HDAC4: variants seen among roughly 807,000 people sequenced by gnomAD.
The protein encoded by HDAC4 is histone deacetylase A.
Under a neutral mutation model 135.1 loss-of-function variants are expected in HDAC4, and 16 were observed. That is an observed-to-expected ratio of 0.12 (90% confidence interval 0.08 to 0.18). The LOEUF is 0.18. Among genes scored for constraint, HDAC4 ranks in the 10% least tolerant of loss-of-function variants. The pLI is 1.00. For synonymous variants in HDAC4, 685 were observed against 653.4 expected (o/e 1.05, Z -0.74); for missense variants, 1,143 against 1,511.8 (o/e 0.76, Z 4.05).
At chr2:239,149,703 C>T (rs906639548) in intron 7 of HDAC4, among the ~76,000 whole-genome samples, 1 of 152,218 alleles carries the variant, frequency 6.6e-6, no homozygotes, top group African/African-American at 2.4e-5. Flanking sequence ...AAGCACGTTG[C>T]TCACGTGCTC....
intron 3 of HDAC4, among the ~76,000 whole-genome samples, chr2:239,203,637 G>A (rs2045887761): frequency 6.6e-6 from 1 of 152,154 alleles, no homozygotes; most frequent in South Asian, 2.1e-4. Context: ...TGTGGTGACT[G>A]CCGTGGTGAC....
chr2:239,138,474 T>C (rs1198418917), intron 9 of HDAC4, among the ~76,000 whole-genome samples: 1 of 152,222 alleles, frequency 6.6e-6, no homozygotes, highest in Non-Finnish European at 1.5e-5. Flanking sequence ...TAACTATATT[T>C]AATAAATTAT....
chr2:239,051,615 A>T lies in HDAC4; in HGVS notation c.*1482T>A, dbSNP rs984133665. 2 of 152,676 alleles carry T rather than the reference A, an allele frequency of 1.3e-5. No individual in the cohort carries two copies. Among genetic ancestry groups the T allele is most frequent in the Non-Finnish European group, 2.9e-5 (2 of 68,050 alleles). 9.5% of individuals were successfully genotyped at this position (152,676 alleles called of 1,614,324 possible). ...TGCTATAAAAACTCATTAGGTACAT[A>T]TGTGCATGAAGGCTTGGAGACGGGA... On this transcript the variant is annotated 3_prime_UTR_variant, in exon 27 of 27. Coordinates refer to ENST00000543185, the MANE Select transcript of HDAC4 (RefSeq NM_001378414.1).
chr2:239,188,781 C>T (rs1240867049), intron 4 of HDAC4, among the ~76,000 whole-genome samples: 1 of 152,248 alleles, frequency 6.6e-6, no homozygotes, highest in Non-Finnish European at 1.5e-5. Context: ...CATGCTTCCT[C>T]TCGGGTTGCT....
At chr2:239,171,744 A>G (rs553986913) in intron 5 of HDAC4, among the ~76,000 whole-genome samples, 5 of 152,382 alleles carry the variant, frequency 3.3e-5, no homozygotes, top group Admixed American at 2.6e-4. Flanking sequence ...CAAAATCTTA[A>G]AAATAGCTAG....
chr2:239,347,098 C>G (rs1208559371), intron 2 of HDAC4, among the ~76,000 whole-genome samples: 2 of 152,230 alleles, frequency 1.3e-5, no homozygotes, highest in Non-Finnish European at 2.9e-5. Context: ...CACTCTAACA[C>G]ACACATACAC....
chr2:239,227,137 C>T (rs2047288685), intron 3 of HDAC4, among the ~76,000 whole-genome samples: 1 of 152,210 alleles, frequency 6.6e-6, no homozygotes, highest in Non-Finnish European at 1.5e-5. Context: ...TCACACAGCC[C>T]TCCGGGGCAC....
rs2047912451 is a variant in HDAC4, at chr2:239,236,778, CCTA to C, written c.23-117_23-115del. 6.5e-6 allele frequency: 5 copies of C among 772,466 alleles called. No individual in the cohort carries two copies. In the East Asian group the frequency reaches 1.3e-4, roughly 21 times the overall value. The allele number at this position is 772,466 out of a possible 1,614,324, so 47.9% of individuals were successfully genotyped here. On this transcript the variant is annotated intron_variant, in intron 2 of 26. Transcript: ENST00000543185. ...CAAACAATGAAATGCATGTGTCCTT[CCTA>C]CTTTTACAGGGGGACACTTTCAGCT...
At chr2:239,387,940 C>T (rs958887104) in intron 1 of HDAC4, among the ~76,000 whole-genome samples, 36 of 152,184 alleles carry the variant, frequency 2.4e-4, no homozygotes, top group Non-Finnish European at 1.6e-4. Flanking sequence ...CCCACCCCAC[C>T]GCTCTCGCTT....
chr2:239,299,376 A>G lies in HDAC4; in HGVS notation c.22+53302T>C, dbSNP rs1406710581. On this transcript the variant is annotated intron_variant, in intron 2 of 26. Transcript: ENST00000543185. The surrounding 1 kb of genome is among the most constrained non-coding windows in gnomAD (Gnocchi z 4.0). ...AGGGACAGAGCGTGGTGCAATGATC[A>G]GGACGGAGGTGCCTAACAATCCCAA... Among the ~76,000 whole-genome samples the G allele has an allele frequency of 6.6e-6, 1 of 152,206 alleles. No homozygotes were observed. The highest frequency in any genetic ancestry group is 1.9e-4 in the East Asian group (1 of 5,184).
At chr2:239,121,739 C>T (rs1347722622) in intron 12 of HDAC4, among the ~76,000 whole-genome samples, 8 of 152,244 alleles carry the variant, frequency 5.3e-5, no homozygotes, top group Admixed American at 2.0e-4. Context: ...AGTGGTGCCA[C>T]GTCAGAGCCC....
chr2:239,387,787 T>A (rs1695925388), intron 1 of HDAC4, among the ~76,000 whole-genome samples: 1 of 152,046 alleles, frequency 6.6e-6, no homozygotes, highest in Non-Finnish European at 1.5e-5. Flanking sequence ...GAGCTCCTCC[T>A]CACTCTACTT....
intron 3 of HDAC4, among the ~76,000 whole-genome samples, chr2:239,214,699 T>C (rs1364149476): frequency 6.6e-6 from 1 of 152,260 alleles, no homozygotes; most frequent in Non-Finnish European, 1.5e-5. Flanking sequence ...AGGTATATTT[T>C]ACACTCTGCC....
rs58952360 is a variant in HDAC4 at position 239,184,069 on chromosome 2, TAAAAAAAAA to T, written c.339+5755_339+5763del. ...GAAAAAGAGGCCAGCCTTGCTAGTG[TAAAAAAAAA>T]AAAAAAAAAAAAAAAAAAGACATGC... On this transcript the variant is annotated intron_variant, in intron 4 of 26. Coordinates refer to ENST00000543185, the MANE Select transcript of HDAC4 (RefSeq NM_001378414.1). Among the ~76,000 whole-genome samples, 12 of 71,406 alleles carry T rather than the reference TAAAAAAAAA, an allele frequency of 1.7e-4. No individual in the cohort carries two copies. In the East Asian group the frequency reaches 3.1e-3, roughly 18 times the overall value. 46.8% of individuals were successfully genotyped at this position (71,406 alleles called of 152,430 possible). A position where few individuals can be genotyped will look rare whatever the true frequency, so the allele number is the denominator to read the frequency against.
chr2:239,247,842 A>C lies in HDAC4; in HGVS notation c.23-11178T>G, dbSNP rs1177014442. On this transcript the variant is annotated intron_variant, in intron 2 of 26. Coordinates refer to ENST00000543185, the MANE Select transcript of HDAC4 (RefSeq NM_001378414.1). ...GATCCCTCCCTGGAGCGAGGTGGAG[A>C]ACGGAGGGCGCTGACCACAGTGGAC... is the stretch of plus-strand genomic sequence containing the variant. 3.9e-5 allele frequency among the ~76,000 whole-genome samples: 6 copies of C among 152,128 alleles called. No individual in the cohort carries two copies. The South Asian group carries it at 1.2e-3, about 32-fold the overall frequency.
Position 239,141,071 on chromosome 2 carries a change from C to T in HDAC4, c.866-1275G>A, listed in dbSNP as rs191751604. 104 of 279,834 alleles carry T rather than the reference C, an allele frequency of 3.7e-4. No homozygotes were observed. Among genetic ancestry groups the T allele is most frequent in the South Asian group, 1.2e-3 (39 of 33,018 alleles). 17.3% of individuals were successfully genotyped at this position (279,834 alleles called of 1,614,324 possible). Reference sequence around the variant, plus strand: ...TTTGAGGAAGGTGCCATTATGACCCCGTTTCCCAGAAGAGGAGATGGAGGC... The same window carrying T: ...TTTGAGGAAGGTGCCATTATGACCCTGTTTCCCAGAAGAGGAGATGGAGGC... On this transcript the variant is annotated intron_variant, in intron 8 of 26. Transcript: ENST00000543185. This position sits in a 1 kb window ranked among gnomAD's most constrained non-coding sequence, Gnocchi z 4.9.
At chr2:239,305,615 G>A (rs994754834) in intron 2 of HDAC4, 1 of 152,630 alleles carries the variant, frequency 6.6e-6, no homozygotes. Context: ...GGTGAAATAA[G>A]TTCTAAAAGT....
intron 3 of HDAC4, among the ~76,000 whole-genome samples, chr2:239,200,643 T>C (rs1257952694): frequency 6.6e-6 from 1 of 152,230 alleles, no homozygotes; most frequent in Non-Finnish European, 1.5e-5. Context: ...AAGAAGAAGG[T>C]GCTTTGTATT....
chr2:239,294,150 G>A (rs1158630098), intron 2 of HDAC4, among the ~76,000 whole-genome samples: 1 of 152,190 alleles, frequency 6.6e-6, no homozygotes, highest in African/African-American at 2.4e-5. Flanking sequence ...GTGCAGGGTC[G>A]CTGAGGCGTC....
Sources: allele counts gnomAD v4.1 joint callset (sites outside exome capture counted in the v4.1 genomes callset), GRCh38; gene constraint gnomAD v4.1.1; non-coding constraint Gnocchi (gnomAD v3.1); transcripts MANE v1.5; gene names NCBI Gene and HGNC (gene_info 2026-07-23, HGNC 2026-07-21).